Variants in ASH1L observed in about 807,000 individuals in gnomAD.
ASH1L encodes ASH1 like histone lysine methyltransferase, also known as histone-lysine N-methyltransferase ASH1L.
ASH1L carries 23 observed loss-of-function variants against 269.0 expected under a neutral mutation model. The ratio of observed to expected loss-of-function variants is 0.09; its 90% CI spans 0.06 to 0.12. The LOEUF is 0.12. Ranked by LOEUF, ASH1L falls within the 10% of genes least tolerant of loss-of-function variation. ASH1L has a pLI of 1.00. For synonymous variants in ASH1L, 1,187 were observed against 1,253.5 expected, an observed-to-expected ratio of 0.95 and a Z score of 1.12; for missense variants, 2,912 against 3,567.8, an observed-to-expected ratio of 0.82 and a Z score of 4.68.
chr1:155,553,646 C>T (rs1196641435), intron 1 of ASH1L, among the ~76,000 whole-genome samples: 1 of 152,126 alleles, frequency 6.6e-6, no homozygotes, highest in African/African-American at 2.4e-5. Flanking sequence ...TGTAGGAAGC[C>T]ACCCTAACCT....
At chr1:155,550,323 T>C (rs937456825) in intron 1 of ASH1L, among the ~76,000 whole-genome samples, 6 of 152,180 alleles carry the variant, frequency 3.9e-5, no homozygotes, top group African/African-American at 9.6e-5. Flanking sequence ...CAGTCCACGA[T>C]AGCCTCTGAA....
intron 7 of ASH1L, among the ~76,000 whole-genome samples, chr1:155,391,809 A>T (rs1657951006): frequency 6.6e-6 from 1 of 151,982 alleles, no homozygotes; most frequent in East Asian, 1.9e-4. Flanking sequence ...ACAAAAAATT[A>T]GCCAAGTGTG....
At chr1:155,490,643 CA>C (rs1558161513) in intron 2 of ASH1L, among the ~76,000 whole-genome samples, 1 of 150,170 alleles carries the variant, frequency 6.7e-6, no homozygotes, top group African/African-American at 2.5e-5. Context: ...CACACACACA[CA>C]TACACACACA....
At chr1:155,452,164 G>A (rs1029012710) in intron 4 of ASH1L, among the ~76,000 whole-genome samples, 1 of 150,464 alleles carries the variant, frequency 6.6e-6, no homozygotes, top group African/African-American at 2.5e-5. Context: ...TCAGCCTCCC[G>A]AGTAGCTGGG....
At chr1:155,442,926 C>G (rs1278582709) in intron 4 of ASH1L, among the ~76,000 whole-genome samples, 1 of 152,108 alleles carries the variant, frequency 6.6e-6, no homozygotes. Context: ...TTTACCTGAC[C>G]AGGAAGCACC....
intron 1 of ASH1L, among the ~76,000 whole-genome samples, chr1:155,537,390 TG>T (rs1670130653): frequency 6.6e-6 from 1 of 152,230 alleles, no homozygotes; most frequent in East Asian, 1.9e-4. Flanking sequence ...TATGCCAAAG[TG>T]GTTTCACTTA....
Sources: allele counts gnomAD v4.1 joint callset (sites outside exome capture counted in the v4.1 genomes callset), GRCh38; gene constraint gnomAD v4.1.1; transcripts MANE v1.5; gene names NCBI Gene and HGNC (gene_info 2026-07-23, HGNC 2026-07-21).